Variants in SEMA4C observed in about 807,000 individuals in gnomAD.
The protein encoded by SEMA4C is semaphorin-4C.
A neutral mutation model predicts 89.0 loss-of-function variants in SEMA4C; 19 were observed. The ratio of observed to expected loss-of-function variants is 0.21; its 90% CI spans 0.15 to 0.31. The LOEUF (loss-of-function observed/expected upper bound fraction) is 0.31, where lower values mean the gene tolerates loss of function less well. Among genes scored for constraint, SEMA4C ranks in the 10% least tolerant of loss-of-function variants. The pLI, the probability that SEMA4C is intolerant of heterozygous loss-of-function variation, is 1.00. For missense variants in SEMA4C, 811 were observed against 1,107.0 expected (o/e 0.73, Z 3.79); for synonymous variants, 428 against 472.7 (o/e 0.91, Z 1.23).
At position 96,861,218 on chromosome 2, in the gene SEMA4C, G is replaced by A. The variant is rs777398596; in HGVS notation, c.1910C>T (p.Ala637Val). 1.9e-6 allele frequency: 3 copies of A among 1,610,450 alleles called. No homozygotes were observed. The highest frequency in any genetic ancestry group is 1.7e-6 in the Non-Finnish European group (2 of 1,179,722). The change falls in exon 15 of 15, where the codon GCT becomes GTT. Residue 637 changes from alanine to valine, a missense_variant. By Grantham distance (64) the Ala-to-Val change is moderately conservative (BLOSUM62 0). Coordinates refer to ENST00000305476, the MANE Select transcript of SEMA4C (RefSeq NM_017789.5). This position sits in a 1 kb window ranked among gnomAD's most constrained non-coding sequence, Gnocchi z 7.8. ...CFSEEQGARL[A>V]AEGYLVAVVA... The stretch of plus-strand genomic sequence containing the variant: ...GACAGCCACAAGGTAGCCTTCAGCA[G>A]CCAGCCGCGCCCCCTGCTCCTCTGA...
At position 96,867,874 on chromosome 2, in the gene SEMA4C, A is replaced by C; in HGVS notation, c.13T>G (p.Trp5Gly). The change falls in exon 2 of 15, where the codon TGG (tryptophan) becomes GGG (glycine). Residue 5 changes from tryptophan to glycine, a missense_variant. By Grantham distance (184) the Trp-to-Gly change is radical. Transcript: ENST00000305476. MAPHWAVWLLAARLW... is the reference protein window; with the variant it reads MAPHGAVWLLAARLW... Reference sequence around the variant, plus strand: ...CTTGCTGCCAGCAGCCAGACAGCCCAGTGTGGGGCCATGGCGCACGCCCCG... The same window carrying C: ...CTTGCTGCCAGCAGCCAGACAGCCCCGTGTGGGGCCATGGCGCACGCCCCG... 1 of 1,613,602 alleles carries C rather than the reference A, an allele frequency of 6.2e-7. No individual in the cohort carries two copies. Among genetic ancestry groups the C allele is most frequent in the Non-Finnish European group, 8.5e-7 (1 of 1,180,006 alleles).
chr2:96,865,148 G>A (rs1185964659), intron 7 of SEMA4C, 33 bp from the exon 8 acceptor site: 1 of 1,598,508 alleles, frequency 6.3e-7, no homozygotes, highest in East Asian at 2.3e-5. Flanking sequence ...GCAGGGAGGG[G>A]CTGGGCCCCG....
chr2:96,866,396 C>T lies in SEMA4C; in HGVS notation c.145G>A (p.Gly49Ser), dbSNP rs771206886. The change falls in exon 3 of 15, where the codon GGC becomes AGC. Residue 49 changes from glycine to serine, a missense_variant. Coordinates refer to ENST00000305476, the MANE Select transcript of SEMA4C (RefSeq NM_017789.5). ...ATVVRRFSQTGIQDFLTLTLT... is the reference protein window; with the variant it reads ...ATVVRRFSQTSIQDFLTLTLT... ...GTCAGTGTCAGGAAGTCCTGGATGC[C>T]GGTCTGGGAGAACCGCCGTACTACC... is the stretch of plus-strand genomic sequence containing the variant. The T allele has an allele frequency of 4.9e-5, 79 of 1,613,812 alleles. No homozygotes were observed. Among genetic ancestry groups the T allele is most frequent in the Admixed American group, 1.3e-4 (8 of 60,012 alleles).
Position 96,869,883 on chromosome 2 carries a change from G to A in SEMA4C, c.-45C>T. The A allele has an allele frequency of 2.0e-6, 2 of 985,934 alleles. No homozygotes were observed. The highest frequency in any genetic ancestry group is 1.7e-5 in the African/African-American group (1 of 57,316). 61.1% of individuals were successfully genotyped at this position (985,934 alleles called of 1,614,324 possible). A position where few individuals can be genotyped will look rare whatever the true frequency, so the allele number is the denominator to read the frequency against. ...AAGCCCGGCCTCGCTCACCTATTGC[G>A]CGCAGCTCCAGTCCCCGGGCGCCGC... On this transcript the variant is annotated 5_prime_UTR_variant, in exon 1 of 15. Transcript: ENST00000305476.
intron 1 of SEMA4C, chr2:96,868,991 C>T: frequency 3.0e-6 from 3 of 985,360 alleles, no homozygotes; most frequent in Non-Finnish European, 3.6e-6. Context: ...CCGCCAAGAC[C>T]CCGTCCCGGG....
At chr2:96,866,683 C>G (rs1301299397) in intron 2 of SEMA4C, 1 of 649,708 alleles carries the variant, frequency 1.5e-6, no homozygotes, top group East Asian at 3.1e-5. Context: ...CCACAGCTTC[C>G]GGCCAGAGGA....
In SEMA4C at chr2:96,870,068, C is replaced by T. The variant is rs1452776581; in HGVS notation, c.-230G>A. The T allele has an allele frequency of 1.0e-6, 1 of 975,318 alleles. No individual in the cohort carries two copies. The highest frequency in any genetic ancestry group is 4.7e-5 in the South Asian group (1 of 21,296). The allele number at this position is 975,318 out of a possible 1,614,324, so 60.4% of individuals were successfully genotyped here. ...CTCCCCGCGCCACCACGGCGGGCGC[C>T]GGCTCTTTCTCCAGCGCGGCCGCGG... On this transcript the variant is annotated 5_prime_UTR_variant, in exon 1 of 15. Coordinates refer to ENST00000305476, the MANE Select transcript of SEMA4C (RefSeq NM_017789.5).
chr2:96,860,498 G>T lies in SEMA4C; in HGVS notation c.*128C>A, dbSNP rs1043588944. The T allele has an allele frequency of 1.2e-6, 1 of 833,666 alleles. No homozygotes were observed. Among genetic ancestry groups the T allele is most frequent in the Non-Finnish European group, 1.8e-6 (1 of 550,866 alleles). The allele number at this position is 833,666 out of a possible 1,614,324, so 51.6% of individuals were successfully genotyped here. Reference sequence around the variant, plus strand: ...GAGCAGAGCAGGTCCTCATGGCCGGGTGGGTGCTGGGCAGTATCTGTCCCA... The same window carrying T: ...GAGCAGAGCAGGTCCTCATGGCCGGTTGGGTGCTGGGCAGTATCTGTCCCA... On this transcript the variant is annotated 3_prime_UTR_variant, in exon 15 of 15. Coordinates refer to ENST00000305476, the MANE Select transcript of SEMA4C (RefSeq NM_017789.5).
At chr2:96,866,664 A>C (rs1416798784) in intron 2 of SEMA4C, 8 of 681,824 alleles carry the variant, frequency 1.2e-5, no homozygotes, top group Admixed American at 2.0e-5. Context: ...GGAAGGAAGG[A>C]TATCTCAGCC....
upstream of SEMA4C, chr2:96,870,410 G>A (rs1031850428): frequency 6.6e-6 from 6 of 904,186 alleles, no homozygotes; most frequent in South Asian, 5.1e-5. Flanking sequence ...CGAAGACTCC[G>A]GGCGGGCTGG....
In SEMA4C at chr2:96,864,951, T is replaced by A; in HGVS notation, c.786+13A>T. The A allele has an allele frequency of 1.3e-6, 2 of 1,596,802 alleles. No individual in the cohort carries two copies. Among genetic ancestry groups the A allele is most frequent in the Middle Eastern group, 1.7e-4 (1 of 6,046 alleles). On this transcript the variant is annotated intron_variant, in intron 8 of 14. Coordinates refer to ENST00000305476, the MANE Select transcript of SEMA4C (RefSeq NM_017789.5). The surrounding 1 kb of genome is among the most constrained non-coding windows in gnomAD (Gnocchi z 6.3). ...GCAGGGCTCCCAGGGCCCACCGCTG[T>A]GAGACTCGGTACCTTGCAGACACGG...
In SEMA4C at chr2:96,859,998, C is replaced by A. The variant is rs948328116; in HGVS notation, c.*628G>T. On this transcript the variant is annotated 3_prime_UTR_variant, in exon 15 of 15. Coordinates refer to ENST00000305476, the MANE Select transcript of SEMA4C (RefSeq NM_017789.5). ...GGGAGGCCCCACCCACCCTTCCCCC[C>A]AAACACACAGGAGGCTCCATCTCCC... is the stretch of plus-strand genomic sequence containing the variant. 1.5e-4 allele frequency: 22 copies of A among 149,640 alleles called. No homozygotes were observed. The highest frequency in any genetic ancestry group is 5.4e-4 in the Admixed American group (8 of 14,930). 9.3% of individuals were successfully genotyped at this position (149,640 alleles called of 1,614,324 possible).
Position 96,861,597 on chromosome 2 carries a change from G to C in SEMA4C, c.1654C>G (p.Leu552Val). 6.3e-7 allele frequency: 1 copy of C among 1,584,812 alleles called. No homozygotes were observed. The highest frequency in any genetic ancestry group is 8.6e-7 in the Non-Finnish European group (1 of 1,161,980). Reference sequence around the variant, plus strand: ...AGCTCACCTTTCTTACTGCCACGGAGGTTGCAGATGCCTGAAGTGTCCGAG... The same window carrying C: ...AGCTCACCTTTCTTACTGCCACGGACGTTGCAGATGCCTGAAGTGTCCGAG... The part of the protein sequence containing the change: ...MTSDTSGICN[L>V]RGSKKVRPTP... Residue 552 changes from leucine (L) to valine (V), a missense_variant, in exon 14 of 15, where the codon CTC (leucine) becomes GTC (valine). This residue lies in a region of SEMA4C where 441 missense variants were observed against 664.9 expected (regional missense o/e 0.66). Transcript: ENST00000305476. This position sits in a 1 kb window ranked among gnomAD's most constrained non-coding sequence, Gnocchi z 7.8.
At chr2:96,866,106 G>C (rs2080064547) in intron 3 of SEMA4C, among the ~76,000 whole-genome samples, 177 bp from the exon 4 acceptor site, 1 of 152,236 alleles carries the variant, frequency 6.6e-6, no homozygotes, top group Non-Finnish European at 1.5e-5. Context: ...ACAGAATTCA[G>C]TAAGTGCCAG....
rs375055788 is a variant in SEMA4C at position 96,865,307 on chromosome 2, G to A, written c.531C>T (p.Tyr177=). ...CCAGGAAGTTGTTGAGTGTGGCCGA[G>A]TACAGCTCACCATCTATGGGAGACA... ...HAGLLVDGEL[Y]SATLNNFLGT... The change falls in exon 7 of 15, where the codon TAC becomes TAT. Residue 177 remains tyrosine, a synonymous_variant. Transcript: ENST00000305476. The A allele has an allele frequency of 1.2e-6, 2 of 1,614,232 alleles. No homozygotes were observed. Among genetic ancestry groups the A allele is most frequent in the Non-Finnish European group, 1.7e-6 (2 of 1,180,042 alleles).
chr2:96,863,919 C>T lies in SEMA4C; in HGVS notation c.1330+7G>A, dbSNP rs2080010116. 7 of 1,602,978 alleles carry T rather than the reference C, an allele frequency of 4.4e-6. No individual in the cohort carries two copies. In the East Asian group the frequency reaches 1.1e-4, roughly 26 times the overall value. On this transcript the variant is annotated splice_region_variant and intron_variant, in intron 11 of 14. Transcript: ENST00000305476. Reference sequence around the variant, plus strand: ...GAGCAGCCATGCCTGCATACCCATGCACCCACCTGTGCCAATGAACAGCAC... The same window carrying T: ...GAGCAGCCATGCCTGCATACCCATGTACCCACCTGTGCCAATGAACAGCAC...
At position 96,863,174 on chromosome 2, in the gene SEMA4C, C is replaced by T. The variant is rs2079990860; in HGVS notation, c.1443+508G>A. ...GCAGTGAGCTGAGATCGCGTCACTG[C>T]ACTCTAGCCTGGGTGACAGAGTGAG... On this transcript the variant is annotated intron_variant, in intron 12 of 14. Coordinates refer to ENST00000305476, the MANE Select transcript of SEMA4C (RefSeq NM_017789.5). 4.4e-6 allele frequency: 4 copies of T among 908,112 alleles called. No homozygotes were observed. The African/African-American group carries it at 7.2e-5, about 16-fold the overall frequency. 56.3% of individuals were successfully genotyped at this position (908,112 alleles called of 1,614,324 possible). A position where few individuals can be genotyped will look rare whatever the true frequency, so the allele number is the denominator to read the frequency against.
chr2:96,867,821 C>A lies in SEMA4C; in HGVS notation c.66G>T (p.Glu22Asp), dbSNP rs1166916779. Reference protein sequence around the residue: ...ARLWGLGIGAEVWWNLVPRKT... With the variant: ...ARLWGLGIGADVWWNLVPRKT... ...TACGCGGCACAAGGTTCCACCACAC[C>A]TCAGCCCCAATGCCCAGGCCCCACA... Residue 22 changes from glutamate to aspartate, a missense_variant, in exon 2 of 15, where the codon GAG becomes GAT. Physicochemically the swap from Glu to Asp is conservative, Grantham distance 45. Around this residue, in one of 4 missense-constraint regions of SEMA4C, gnomAD observed 119 missense variants for 152.7 expected, o/e 0.78. Coordinates refer to ENST00000305476, the MANE Select transcript of SEMA4C (RefSeq NM_017789.5). 1 of 1,613,700 alleles carries A rather than the reference C, an allele frequency of 6.2e-7. No homozygotes were observed. Among genetic ancestry groups the A allele is most frequent in the Non-Finnish European group, 8.5e-7 (1 of 1,179,956 alleles).
In SEMA4C at chr2:96,863,974, C is replaced by G; in HGVS notation, c.1282G>C (p.Val428Leu). The G allele has an allele frequency of 6.2e-7, 1 of 1,613,518 alleles. No individual in the cohort carries two copies. The highest frequency in any genetic ancestry group is 8.5e-7 in the Non-Finnish European group (1 of 1,179,954). Reference protein sequence around the residue: ...TNFTHLVADRVTGLDGATYTV... With the variant: ...TNFTHLVADRLTGLDGATYTV... ...TAGGTGGCTCCATCAAGTCCTGTAA[C>G]CCGGTCGGCCACCAGGTGGGTGAAG... is the stretch of plus-strand genomic sequence containing the variant. Residue 428 changes from valine (V) to leucine (L), a missense_variant, in exon 11 of 15, where the codon GTT (valine) becomes CTT (leucine). Val to Leu is a conservative substitution (Grantham distance 32). Coordinates refer to ENST00000305476, the MANE Select transcript of SEMA4C (RefSeq NM_017789.5).
Sources: allele counts gnomAD v4.1 joint callset (sites outside exome capture counted in the v4.1 genomes callset), GRCh38; gene constraint gnomAD v4.1.1; regional missense constraint gnomAD v4.1.1; non-coding constraint Gnocchi (gnomAD v3.1); transcripts MANE v1.5; gene names NCBI Gene and HGNC (gene_info 2026-07-23, HGNC 2026-07-21).